The following ARID1B variants were observed in gnomAD, a reference collection of about 807,000 sequenced individuals.
ARID1B encodes AT-rich interactive domain-containing protein 1B.
ARID1B carries 30 observed loss-of-function variants against 212.3 expected under a neutral mutation model. That is an observed-to-expected ratio of 0.14 (90% confidence interval 0.11 to 0.19). ARID1B has a LOEUF of 0.19. Ranked by LOEUF, ARID1B falls within the 10% of genes least tolerant of loss-of-function variation. The pLI is 1.00. For synonymous variants in ARID1B, 1,402 were observed against 1,301.7 expected (o/e 1.08, Z -1.66); for missense variants, 2,891 against 3,204.0 (o/e 0.90, Z 2.36).
Position 156,961,187 on chromosome 6 carries a change from C to T in ARID1B, c.2247+25611C>T, listed in dbSNP as rs938896586. On this transcript the variant is annotated intron_variant, in intron 4 of 19. Coordinates refer to ENST00000636930, the MANE Select transcript of ARID1B (RefSeq NM_001374828.1). ...CAGCATCCCTAAACACTCCCAGGTG[C>T]GTGCTCTGCGACAGAGTGCGCAGGA... 2.6e-5 allele frequency among the ~76,000 whole-genome samples: 4 copies of T among 152,212 alleles called. No individual in the cohort carries two copies. The East Asian group carries it at 5.8e-4, about 22-fold the overall frequency.
At chr6:156,985,234 A>G (rs1323375441) in intron 4 of ARID1B, 1 of 152,192 alleles carries the variant, frequency 6.6e-6, no homozygotes, top group East Asian at 1.9e-4. Flanking sequence ...TGTTAAAATC[A>G]CTCAAAATGC....
intron 3 of ARID1B, among the ~76,000 whole-genome samples, chr6:156,934,912 TTATATATATATATATATATATATA>T (rs201495355): frequency 0.027 from 1,445 of 52,690 alleles, 51 homozygotes; most frequent in Non-Finnish European, 0.036. Context: ...TAGTTGTTAA[TTATATATATATATATATATATATA>T]TATATATATA....
In ARID1B at chr6:157,174,125, C is replaced by G. The variant is rs537825199; in HGVS notation, c.3345+8C>G. 4.3e-6 allele frequency: 7 copies of G among 1,612,474 alleles called. No individual in the cohort carries two copies. The East Asian group carries it at 1.3e-4, about 31-fold the overall frequency. ...CCCGAGAGCAAGTCAAAGGTACTTC[C>G]TTCGCCTCTGCACGCGGTGTGAGGT... On this transcript the variant is annotated splice_region_variant and intron_variant, in intron 10 of 19. Transcript: ENST00000636930.
rs565740065 is a variant in ARID1B, at chr6:157,005,666, C to T, written c.2247+70090C>T. Among the ~76,000 whole-genome samples the T allele has an allele frequency of 6.6e-5, 10 of 152,242 alleles. No homozygotes were observed. In the East Asian group the frequency reaches 9.7e-4, roughly 15 times the overall value. ...TGAAAGGAGCAATGGCAGTTCCTCC[C>T]CGATCTCCGTTCTACTCACCACATC... On this transcript the variant is annotated intron_variant, in intron 4 of 19. Coordinates refer to ENST00000636930, the MANE Select transcript of ARID1B (RefSeq NM_001374828.1).
chr6:156,803,404 TTTTCCTTTCC>T (rs917897771), intron 1 of ARID1B, among the ~76,000 whole-genome samples: 1 of 152,168 alleles, frequency 6.6e-6, no homozygotes, highest in African/African-American at 2.4e-5. Flanking sequence ...AACCAAAATA[TTTTCCTTTCC>T]TTTCCTTTCG....
Position 156,778,409 on chromosome 6 carries a change from A to T in ARID1B, c.729A>T (p.Gly243=), listed in dbSNP as rs2114973585. ...CCGACATGGAGCAGCCGCAACATGG[A>T]GGCGCCAAGGACAGTGCTGCGGGCG... ...PGPDMEQPQH[G]GAKDSAAGGQ... The change falls in exon 1 of 20, where the codon GGA becomes GGT. Residue 243 remains glycine, a synonymous_variant. Coordinates refer to ENST00000636930, the MANE Select transcript of ARID1B (RefSeq NM_001374828.1). 6.5e-7 allele frequency: 1 copy of T among 1,532,552 alleles called. No homozygotes were observed. Among genetic ancestry groups the T allele is most frequent in the Non-Finnish European group, 8.7e-7 (1 of 1,144,710 alleles). 94.9% of individuals were successfully genotyped at this position (1,532,552 alleles called of 1,614,324 possible).
chr6:157,064,400 A>C (rs1277808059), intron 4 of ARID1B, among the ~76,000 whole-genome samples: 1 of 152,248 alleles, frequency 6.6e-6, no homozygotes, highest in African/African-American at 2.4e-5. Flanking sequence ...ATTAAAGAGC[A>C]AAATAAAACA....
chr6:156,931,434 G>C (rs930864192), intron 3 of ARID1B, among the ~76,000 whole-genome samples: 25 of 152,114 alleles, frequency 1.6e-4, no homozygotes, highest in African/African-American at 5.3e-4. Context: ...TGGGATACTA[G>C]TGTTTTCCTC....
intron 7 of ARID1B, among the ~76,000 whole-genome samples, chr6:157,134,642 A>C (rs540971537): frequency 6.6e-6 from 1 of 152,342 alleles, no homozygotes; most frequent in East Asian, 1.9e-4. Flanking sequence ...TAACTATGAC[A>C]TGTAGCAGTT....
intron 2 of ARID1B, among the ~76,000 whole-genome samples, chr6:156,859,382 T>G (rs921236055): frequency 1.3e-5 from 2 of 152,214 alleles, no homozygotes; most frequent in Non-Finnish European, 2.9e-5. Context: ...CTGTCATCCC[T>G]TACACTACTG....
chr6:156,834,245 A>T (rs1268492971), intron 2 of ARID1B, among the ~76,000 whole-genome samples: 1 of 152,224 alleles, frequency 6.6e-6, no homozygotes, highest in Non-Finnish European at 1.5e-5. Flanking sequence ...TCCAATAGTC[A>T]GGGCTTAATT....
intron 7 of ARID1B, chr6:157,140,662 G>T (rs756398863): frequency 4.7e-4 from 187 of 398,458 alleles, no homozygotes; most frequent in Non-Finnish European, 7.3e-4. Flanking sequence ...GAGGTCACCT[G>T]CCCAGAACCA....
intron 2 of ARID1B, among the ~76,000 whole-genome samples, chr6:156,888,501 A>G (rs554649112): frequency 1.3e-5 from 2 of 152,374 alleles, no homozygotes; most frequent in East Asian, 3.9e-4. Flanking sequence ...ATTAAAAACA[A>G]TGGAAAATCT....
intron 2 of ARID1B, among the ~76,000 whole-genome samples, chr6:156,866,674 C>T (rs1417249383): frequency 6.6e-6 from 1 of 152,046 alleles, no homozygotes; most frequent in East Asian, 1.9e-4. Context: ...AGTTTGGTTT[C>T]GTTTACATTT....
At chr6:157,033,407 A>T (rs991745469) in intron 4 of ARID1B, among the ~76,000 whole-genome samples, 1 of 152,256 alleles carries the variant, frequency 6.6e-6, no homozygotes, top group Non-Finnish European at 1.5e-5. Context: ...AATAAATTGC[A>T]GCATAGTTTT....
At chr6:156,978,081 C>T (rs574544345) in intron 4 of ARID1B, among the ~76,000 whole-genome samples, 5 of 152,300 alleles carry the variant, frequency 3.3e-5, no homozygotes, top group Admixed American at 2.6e-4. Flanking sequence ...ACAGGCTGAA[C>T]GTGACTCTGC....
At chr6:157,021,710 TGCAGGCACCGTCCGCCCCGCGCGCCC>T (rs1780293009) in intron 4 of ARID1B, among the ~76,000 whole-genome samples, 1 of 151,876 alleles carries the variant, frequency 6.6e-6, no homozygotes, top group South Asian at 2.1e-4. Flanking sequence ...GGCCGCCGCC[TGCAGGCACCGTCCGCCCCGCGCGCCC>T]GCAGGCTCCT....
chr6:156,784,159 C>G (rs1181465045), intron 1 of ARID1B, among the ~76,000 whole-genome samples: 1 of 151,730 alleles, frequency 6.6e-6, no homozygotes, highest in East Asian at 1.9e-4. Context: ...GTTTTGGTTG[C>G]ATGCCTTTTC....
chr6:157,018,975 G>GA (rs1008741838), intron 4 of ARID1B, among the ~76,000 whole-genome samples: 7 of 151,876 alleles, frequency 4.6e-5, no homozygotes, highest in South Asian at 4.2e-4. Context: ...ATAAAGGGCT[G>GA]AAAAAAAATA....
Sources: allele counts gnomAD v4.1 joint callset (sites outside exome capture counted in the v4.1 genomes callset), GRCh38; gene constraint gnomAD v4.1.1; transcripts MANE v1.5; gene names NCBI Gene and HGNC (gene_info 2026-07-23, HGNC 2026-07-21).